The following PTGFR variants were observed in gnomAD, a reference collection of about 807,000 sequenced individuals.
PTGFR encodes the protein prostaglandin F receptor.
A neutral mutation model predicts 26.2 loss-of-function variants in PTGFR; 15 were observed. That is an observed-to-expected ratio of 0.57 (90% confidence interval 0.38 to 0.88). The LOEUF (loss-of-function observed/expected upper bound fraction) is 0.88. Among genes scored for constraint, PTGFR ranks in the 40% least tolerant of loss-of-function variants. PTGFR has a pLI of 0.00. For missense variants in PTGFR, 369 were observed against 427.2 expected, an observed-to-expected ratio of 0.86 and a Z score of 1.20; for synonymous variants, 165 against 151.1, an observed-to-expected ratio of 1.09 and a Z score of -0.68.
chr1:78,512,865 T>C (rs1650006111), intron 2 of PTGFR, among the ~76,000 whole-genome samples: 1 of 152,094 alleles, frequency 6.6e-6, no homozygotes, highest in Non-Finnish European at 1.5e-5. Context: ...GCATGATATC[T>C]GGTTGTTTCA....
At chr1:78,535,001 C>G (rs1014794119) in intron 2 of PTGFR, among the ~76,000 whole-genome samples, 1 of 152,084 alleles carries the variant, frequency 6.6e-6, no homozygotes, top group Non-Finnish European at 1.5e-5. Context: ...CTTTCCAAGG[C>G]TGGGGTTAGG....
intron 2 of PTGFR, among the ~76,000 whole-genome samples, chr1:78,534,460 A>T (rs1650596705): frequency 6.6e-6 from 1 of 152,190 alleles, no homozygotes; most frequent in Admixed American, 6.6e-5. Context: ...ATAGAGATGT[A>T]CACAAATAAT....
chr1:78,535,362 A>T (rs1334831140), intron 2 of PTGFR, among the ~76,000 whole-genome samples: 2 of 152,114 alleles, frequency 1.3e-5, no homozygotes, highest in East Asian at 3.9e-4. Flanking sequence ...TTTGTACTTT[A>T]TTGTGTAGAC....
At chr1:78,512,181 TC>T (rs1454897154) in intron 2 of PTGFR, among the ~76,000 whole-genome samples, 2 of 152,244 alleles carry the variant, frequency 1.3e-5, no homozygotes, top group African/African-American at 2.4e-5. Context: ...TCCAAACTCT[TC>T]CAACCTCTGC....
At chr1:78,534,249 A>C (rs7550932) in intron 2 of PTGFR, among the ~76,000 whole-genome samples, 4,358 of 152,278 alleles carry the variant, frequency 0.029, 88 homozygotes, top group Non-Finnish European at 0.049. Flanking sequence ...CGGGTGGGCT[A>C]GACAGAGAAT....
intron 2 of PTGFR, among the ~76,000 whole-genome samples, chr1:78,524,093 G>A (rs1650310458): frequency 6.6e-6 from 1 of 152,054 alleles, no homozygotes. Context: ...GCAGCTGGTG[G>A]AGTCGCTACT....
At chr1:78,518,209 G>A (rs1260966570) in intron 2 of PTGFR, among the ~76,000 whole-genome samples, 1 of 152,020 alleles carries the variant, frequency 6.6e-6, no homozygotes, top group African/African-American at 2.4e-5. Flanking sequence ...AATTATAAAG[G>A]AAACATTTAG....
chr1:78,522,561 T>A (rs1286541260), intron 2 of PTGFR, among the ~76,000 whole-genome samples: 1 of 152,122 alleles, frequency 6.6e-6, no homozygotes. Flanking sequence ...AGAGAGGCTC[T>A]ATCGAGCTTG....
chr1:78,511,518 C>T (rs746700080), intron 2 of PTGFR, among the ~76,000 whole-genome samples: 3 of 151,256 alleles, frequency 2.0e-5, no homozygotes, highest in Admixed American at 6.6e-5. Context: ...TGAGGCTGCA[C>T]ATGGCAGTGA....
intron 2 of PTGFR, among the ~76,000 whole-genome samples, chr1:78,503,589 A>G (rs1487976429): frequency 1.3e-5 from 2 of 152,130 alleles, no homozygotes; most frequent in Non-Finnish European, 2.9e-5. Context: ...ACCTGGGAAA[A>G]TATTCCTGAG....
At chr1:78,516,574 TG>T (rs1408557593) in intron 2 of PTGFR, among the ~76,000 whole-genome samples, 1 of 152,184 alleles carries the variant, frequency 6.6e-6, no homozygotes, top group Non-Finnish European at 1.5e-5. Context: ...AAGTAATTTT[TG>T]CTTCTCTTCT....
At chr1:78,510,113 G>A (rs1328604068) in intron 2 of PTGFR, among the ~76,000 whole-genome samples, 1 of 152,150 alleles carries the variant, frequency 6.6e-6, no homozygotes, top group Admixed American at 6.6e-5. Context: ...AAGATGTCCT[G>A]TGCATTCAGG....
chr1:78,504,675 C>G (rs1371153157), intron 2 of PTGFR, among the ~76,000 whole-genome samples: 3 of 152,060 alleles, frequency 2.0e-5, no homozygotes, highest in Non-Finnish European at 4.4e-5. Flanking sequence ...TTTCTTCTAG[C>G]AATTTTCCCC....
At chr1:78,524,940 T>A (rs985092789) in intron 2 of PTGFR, among the ~76,000 whole-genome samples, 2 of 110,858 alleles carry the variant, frequency 1.8e-5, no homozygotes, top group Admixed American at 9.3e-5. Flanking sequence ...TTTTTTTTTT[T>A]ACTGTTAATG....
chr1:78,491,438 C>T (rs1649393625), intron 1 of PTGFR, among the ~76,000 whole-genome samples: 1 of 152,206 alleles, frequency 6.6e-6, no homozygotes, highest in Non-Finnish European at 1.5e-5. Flanking sequence ...CTGAGCTGCT[C>T]TGCGGGGGAT....
At chr1:78,532,294 C>T (rs1650526761) in intron 2 of PTGFR, 4 of 338,350 alleles carry the variant, frequency 1.2e-5, no homozygotes, top group Admixed American at 1.2e-4. Flanking sequence ...ACAACTTATA[C>T]ATGGGTGCTG....
intron 1 of PTGFR, among the ~76,000 whole-genome samples, chr1:78,491,630 G>C (rs1260493636): frequency 6.6e-6 from 1 of 152,232 alleles, no homozygotes; most frequent in Non-Finnish European, 1.5e-5. Flanking sequence ...CAGCGAGTTC[G>C]TTAGTTTGGA....
At chr1:78,513,332 T>C (rs1411515089) in intron 2 of PTGFR, among the ~76,000 whole-genome samples, 2 of 152,124 alleles carry the variant, frequency 1.3e-5, no homozygotes, top group Non-Finnish European at 2.9e-5. Flanking sequence ...CAGATGGAAA[T>C]GAGGAAGTTA....
chr1:78,506,364 GT>G (rs1284979128), intron 2 of PTGFR, among the ~76,000 whole-genome samples: 2 of 151,602 alleles, frequency 1.3e-5, no homozygotes, highest in African/African-American at 4.8e-5. Flanking sequence ...TTATTTTTGT[GT>G]TTAAAAAAGT....
Sources: gnomAD v4.1 joint callset for allele counts (sites outside exome capture counted in the v4.1 genomes callset) on GRCh38, gnomAD v4.1.1 for gene constraint, MANE v1.5 for transcripts, NCBI Gene and HGNC (gene_info 2026-07-23, HGNC 2026-07-21) for gene names.